The following DGKG variants were observed in gnomAD, a reference collection of about 807,000 sequenced individuals.
DGKG encodes the protein DAG kinase gamma.
Under a neutral mutation model 105.3 loss-of-function variants are expected in DGKG, and 78 were observed. That is an observed-to-expected ratio of 0.74 (90% CI 0.62 to 0.89). The LOEUF is 0.89. DGKG is among the 40% of genes least tolerant of loss of function. DGKG has a pLI of 0.00. For missense variants in DGKG, 958 were observed against 1,020.1 expected (o/e 0.94, Z 0.83); for synonymous variants, 346 against 367.1 (o/e 0.94, Z 0.66).
At chr3:186,182,104 C>A (rs1560083863) in intron 22 of DGKG, among the ~76,000 whole-genome samples, 1 of 152,256 alleles carries the variant, frequency 6.6e-6, no homozygotes, top group South Asian at 2.1e-4. Context: ...CCTCCCCTTG[C>A]TTCACTGGAC....
Position 186,295,872 on chromosome 3 carries a change from G to A in DGKG, c.373+1549C>T, listed in dbSNP as rs146713803. On this transcript the variant is annotated intron_variant, in intron 5 of 24. Coordinates refer to ENST00000265022, the MANE Select transcript of DGKG (RefSeq NM_001346.3). Reference sequence around the variant, plus strand: ...GGTGGCTCATGCCTGTAATCCCAGCGCTTTTGGGTGGATCACTTGAGGTCA... The same window carrying A: ...GGTGGCTCATGCCTGTAATCCCAGCACTTTTGGGTGGATCACTTGAGGTCA... Among the ~76,000 whole-genome samples the A allele has an allele frequency of 4.7e-3, 712 of 152,120 alleles. 5 individuals are homozygous for A. The highest frequency in any genetic ancestry group is 0.016 in the African/African-American group (659 of 41,496).
In DGKG at chr3:186,226,297, C is replaced by T. The variant is rs1319713407; in HGVS notation, c.1827-14412G>A. Among the ~76,000 whole-genome samples the T allele has an allele frequency of 6.6e-6, 1 of 152,170 alleles. No individual in the cohort carries two copies. The highest frequency in any genetic ancestry group is 6.5e-5 in the Admixed American group (1 of 15,276). On this transcript the variant is annotated intron_variant, in intron 20 of 24. Transcript: ENST00000265022. The surrounding 1 kb of genome is among the most constrained non-coding windows in gnomAD (Gnocchi z 4.2). ...TCTTTTCTAACCCATCAGCTGTTAA[C>T]CATTTCATTTTTCTTTAGTGCAATT...
chr3:186,319,102 C>T (rs904104550), intron 2 of DGKG, among the ~76,000 whole-genome samples: 2 of 152,126 alleles, frequency 1.3e-5, no homozygotes, highest in African/African-American at 2.4e-5. Flanking sequence ...TTGAATTTAC[C>T]CTGGAGGGTG....
At chr3:186,185,148 C>T (rs1025144646) in intron 22 of DGKG, among the ~76,000 whole-genome samples, 4 of 152,280 alleles carry the variant, frequency 2.6e-5, no homozygotes, top group East Asian at 1.9e-4. Context: ...GACTCCCAGG[C>T]GAATGCTTTT....
At chr3:186,174,953 G>A (rs1051477088) in intron 22 of DGKG, among the ~76,000 whole-genome samples, 16 of 152,162 alleles carry the variant, frequency 1.1e-4, no homozygotes, top group African/African-American at 3.6e-4. Context: ...TAATCCCATT[G>A]GGAAGAGTTA....
intron 19 of DGKG, among the ~76,000 whole-genome samples, chr3:186,251,182 A>C (rs996388825): frequency 2.0e-5 from 3 of 152,190 alleles, no homozygotes; most frequent in South Asian, 2.1e-4. Context: ...TGGGGTGAGC[A>C]TAAGGGCTGT....
rs191399211 is a variant in DGKG at position 186,338,331 on chromosome 3, C to T, written c.-248-17624G>A. On this transcript the variant is annotated intron_variant, in intron 1 of 24. Coordinates refer to ENST00000265022, the MANE Select transcript of DGKG (RefSeq NM_001346.3). ...AATAAATGGATACATATTTTATTCA[C>T]GGATAGGAAGGCTTACTTTAGTTCT... Among the ~76,000 whole-genome samples the T allele has an allele frequency of 1.3e-3, 198 of 152,152 alleles. 2 individuals are homozygous for T. The highest frequency in any genetic ancestry group is 4.5e-3 in the African/African-American group (187 of 41,494).
At chr3:186,301,394 G>A (rs987702094) in intron 3 of DGKG, among the ~76,000 whole-genome samples, 1 of 152,206 alleles carries the variant, frequency 6.6e-6, no homozygotes, top group African/African-American at 2.4e-5. Context: ...TTGGGAGGCC[G>A]AGGCAGGCAG....
intron 19 of DGKG, among the ~76,000 whole-genome samples, chr3:186,243,293 C>T (rs1024497940): frequency 1.3e-5 from 2 of 151,980 alleles, no homozygotes; most frequent in African/African-American, 4.8e-5. Context: ...GTCATTATTA[C>T]ATCATGTGGA....
intron 21 of DGKG, among the ~76,000 whole-genome samples, chr3:186,196,419 A>G (rs1294037229): frequency 1.3e-5 from 2 of 152,206 alleles, no homozygotes; most frequent in African/African-American, 2.4e-5. Flanking sequence ...GATTACAGGC[A>G]TGAGCCACTG....
At chr3:186,241,599 T>C (rs1720689662) in intron 20 of DGKG, among the ~76,000 whole-genome samples, 1 of 152,018 alleles carries the variant, frequency 6.6e-6, no homozygotes, top group Non-Finnish European at 1.5e-5. Flanking sequence ...TTCTGTGGGC[T>C]AAATAAAAGT....
chr3:186,337,875 A>G (rs2108657572), intron 1 of DGKG, among the ~76,000 whole-genome samples: 2 of 152,302 alleles, frequency 1.3e-5, no homozygotes, highest in Middle Eastern at 3.4e-3. Flanking sequence ...AAATTTTAAT[A>G]AAAAGTAGAA....
intron 20 of DGKG, among the ~76,000 whole-genome samples, chr3:186,223,755 C>T (rs1024030299): frequency 3.3e-5 from 5 of 152,172 alleles, no homozygotes; most frequent in South Asian, 2.1e-4. Flanking sequence ...TCCACTCTGA[C>T]GTTTGTGACT....
intron 1 of DGKG, among the ~76,000 whole-genome samples, chr3:186,340,751 T>C (rs950793744): frequency 2.0e-5 from 3 of 152,206 alleles, no homozygotes; most frequent in Admixed American, 6.5e-5. Context: ...CCACATTTCC[T>C]GGGCTTGATA....
At chr3:186,309,701 T>C (rs528026572) in intron 2 of DGKG, among the ~76,000 whole-genome samples, 1 of 152,194 alleles carries the variant, frequency 6.6e-6, no homozygotes, top group East Asian at 1.9e-4. Flanking sequence ...AGCATTTTGA[T>C]TGAGAACCAG....
chr3:186,166,095 A>G (rs1716529653), intron 22 of DGKG, among the ~76,000 whole-genome samples: 1 of 152,220 alleles, frequency 6.6e-6, no homozygotes, highest in Non-Finnish European at 1.5e-5. Flanking sequence ...GAGATATTTG[A>G]GTTTGTCTTT....
At chr3:186,299,767 CTCTTTCTTTCTTTCTTTCTTTCTT>C (rs56331660) in intron 3 of DGKG, among the ~76,000 whole-genome samples, 17 of 95,474 alleles carry the variant, frequency 1.8e-4, no homozygotes, top group Non-Finnish European at 2.6e-4. Context: ...TTCTTCTTTT[CTCTTTCTTTCTTTCTTTCTTTCTT>C]TCTTTCTTTC....
intron 21 of DGKG, chr3:186,207,390 C>G: frequency 2.1e-6 from 2 of 939,074 alleles, no homozygotes; most frequent in Non-Finnish European, 2.5e-6. Context: ...GATCTGATCA[C>G]TTGTAGGTTA....
chr3:186,216,146 G>C (rs1404828540), intron 20 of DGKG, among the ~76,000 whole-genome samples: 1 of 151,916 alleles, frequency 6.6e-6, no homozygotes, highest in African/African-American at 2.4e-5. Flanking sequence ...TTACAGGCAT[G>C]CGCCACCACT....
Sources: gnomAD v4.1 joint callset for allele counts (sites outside exome capture counted in the v4.1 genomes callset) on GRCh38, gnomAD v4.1.1 for gene constraint, Gnocchi (gnomAD v3.1) non-coding constraint, MANE v1.5 for transcripts, NCBI Gene and HGNC (gene_info 2026-07-23, HGNC 2026-07-21) for gene names.